The following NEGR1 variants were observed in gnomAD, a reference collection of about 807,000 sequenced individuals.
NEGR1 encodes IgLON family member 4.
A neutral mutation model predicts 40.9 loss-of-function variants in NEGR1; 10 were observed. The ratio of observed to expected loss-of-function variants is 0.24; its 90% CI spans 0.15 to 0.42. The LOEUF (loss-of-function observed/expected upper bound fraction) is 0.42, where lower values mean the gene tolerates loss of function less well. Among genes scored for constraint, NEGR1 ranks in the 10% least tolerant of loss-of-function variants. The pLI is 1.00. For missense variants in NEGR1, 352 were observed against 438.9 expected (o/e 0.80, Z 1.77); for synonymous variants, 185 against 166.8 (o/e 1.11, Z -0.84).
Position 71,811,687 on chromosome 1 carries a change from A to G in NEGR1, c.410-35390T>C, listed in dbSNP as rs570660342. ...CAACTAGAATATAAGCCTGTTTTAGAGAAGAAGTTTTCAATTTGTTTATTA... is the reference window on the plus strand; with the variant it reads ...CAACTAGAATATAAGCCTGTTTTAGGGAAGAAGTTTTCAATTTGTTTATTA... On this transcript the variant is annotated intron_variant, in intron 2 of 6. Transcript: ENST00000357731. 6.6e-5 allele frequency among the ~76,000 whole-genome samples: 10 copies of G among 151,030 alleles called. No homozygotes were observed. In the East Asian group the frequency reaches 1.9e-3, roughly 29 times the overall value.
intron 6 of NEGR1, among the ~76,000 whole-genome samples, chr1:71,576,298 C>T (rs1570053819): frequency 6.6e-6 from 1 of 152,146 alleles, no homozygotes; most frequent in East Asian, 1.9e-4. Flanking sequence ...GAATGAGAGT[C>T]CTATTGCAGT....
chr1:72,064,671 T>C lies in NEGR1; in HGVS notation c.177-129360A>G, dbSNP rs184605653. 4.6e-5 allele frequency among the ~76,000 whole-genome samples: 7 copies of C among 152,228 alleles called. No homozygotes were observed. The South Asian group carries it at 1.4e-3, about 32-fold the overall frequency. On this transcript the variant is annotated intron_variant, in intron 1 of 6. Coordinates refer to ENST00000357731, the MANE Select transcript of NEGR1 (RefSeq NM_173808.3). ...ATATGCTCTACAGAAAAGCAAAATG[T>C]ACACTGCAACCATTAATCATCTAGA...
At chr1:71,426,207 G>A (rs997420011) in intron 6 of NEGR1, among the ~76,000 whole-genome samples, 1 of 152,088 alleles carries the variant, frequency 6.6e-6, no homozygotes, top group African/African-American at 2.4e-5. Context: ...TAAAGTGGAC[G>A]TATTTCTTTT....
At chr1:71,942,963 T>TAC (rs1290614638) in intron 1 of NEGR1, among the ~76,000 whole-genome samples, 1 of 135,150 alleles carries the variant, frequency 7.4e-6, no homozygotes, top group African/African-American at 2.7e-5. Context: ...AAGTTTGTTT[T>TAC]ATATATATAT....
chr1:72,277,050 T>C (rs1047354543), intron 1 of NEGR1, among the ~76,000 whole-genome samples: 1 of 152,106 alleles, frequency 6.6e-6, no homozygotes, highest in African/African-American at 2.4e-5. Flanking sequence ...GGGAGATGAA[T>C]ACAGTGATAT....
intron 2 of NEGR1, among the ~76,000 whole-genome samples, chr1:71,800,978 T>C (rs2101748148): frequency 6.6e-6 from 1 of 152,338 alleles, no homozygotes; most frequent in South Asian, 2.1e-4. Context: ...TCTTGATTTC[T>C]TTCTAATTAC....
At chr1:71,734,923 C>G (rs1308411051) in intron 3 of NEGR1, among the ~76,000 whole-genome samples, 2 of 151,576 alleles carry the variant, frequency 1.3e-5, no homozygotes, top group African/African-American at 4.8e-5. Context: ...TTTTTCCCCT[C>G]CATTTCCATT....
intron 4 of NEGR1, among the ~76,000 whole-genome samples, chr1:71,642,108 C>G (rs1473353705): frequency 7.9e-5 from 12 of 151,918 alleles, no homozygotes. Context: ...GAATAACCAA[C>G]ATGTCTGTGG....
At chr1:71,673,962 C>T (rs1652523987) in intron 4 of NEGR1, among the ~76,000 whole-genome samples, 1 of 151,924 alleles carries the variant, frequency 6.6e-6, no homozygotes, top group South Asian at 2.1e-4. Flanking sequence ...TGAATTTTTA[C>T]AATTAAATAT....
intron 2 of NEGR1, among the ~76,000 whole-genome samples, chr1:71,921,110 C>A (rs1375872802): frequency 6.6e-6 from 1 of 152,106 alleles, no homozygotes; most frequent in Non-Finnish European, 1.5e-5. Flanking sequence ...TTTAATAAAT[C>A]TGAGATCCCA....
At chr1:72,013,756 C>A (rs1171899702) in intron 1 of NEGR1, among the ~76,000 whole-genome samples, 1 of 151,388 alleles carries the variant, frequency 6.6e-6, no homozygotes, top group East Asian at 1.9e-4. Context: ...GGTTAGCTAG[C>A]TGACTGTCAT....
At position 72,176,786 on chromosome 1, in the gene NEGR1, T is replaced by C. The variant is rs546663320; in HGVS notation, c.176+105533A>G. Reference sequence around the variant, plus strand: ...ACAAATCATGGGAAGCCTCTATGCCTCGATAAGGTATATATGCCAGGGGAG... The same window carrying C: ...ACAAATCATGGGAAGCCTCTATGCCCCGATAAGGTATATATGCCAGGGGAG... On this transcript the variant is annotated intron_variant, in intron 1 of 6. Coordinates refer to ENST00000357731, the MANE Select transcript of NEGR1 (RefSeq NM_173808.3). Among the ~76,000 whole-genome samples, 161 of 152,150 alleles carry C rather than the reference T, an allele frequency of 1.1e-3. 1 individual carries two copies. The highest frequency in any genetic ancestry group is 3.6e-3 in the African/African-American group (149 of 41,530).
chr1:71,857,457 CAAA>C lies in NEGR1; in HGVS notation c.409+77619_409+77621del, dbSNP rs34177437. The stretch of plus-strand genomic sequence containing the variant: ...TCAAATCCTATCTCTACAAAAAATA[CAAA>C]AAAAAAAAAAAAAAAAAATTAGCTG... On this transcript the variant is annotated intron_variant, in intron 2 of 6. Transcript: ENST00000357731. 8.1e-3 allele frequency among the ~76,000 whole-genome samples: 628 copies of C among 77,646 alleles called. 6 individuals are homozygous for C. The highest frequency in any genetic ancestry group is 0.031 in the African/African-American group (575 of 18,528). 50.9% of individuals were successfully genotyped at this position (77,646 alleles called of 152,430 possible).
chr1:71,429,430 T>C (rs1227140885), intron 6 of NEGR1, among the ~76,000 whole-genome samples: 2 of 152,218 alleles, frequency 1.3e-5, no homozygotes, highest in Non-Finnish European at 2.9e-5. Flanking sequence ...GTAAAATCCT[T>C]ATTGATAAAA....
At chr1:72,236,265 C>G (rs999453678) in intron 1 of NEGR1, among the ~76,000 whole-genome samples, 4 of 151,890 alleles carry the variant, frequency 2.6e-5, no homozygotes, top group African/African-American at 9.7e-5. Flanking sequence ...GGGAACATCA[C>G]ACACTGGGGA....
At chr1:71,617,836 A>G (rs1331335787) in intron 4 of NEGR1, among the ~76,000 whole-genome samples, 2 of 152,210 alleles carry the variant, frequency 1.3e-5, no homozygotes, top group Non-Finnish European at 2.9e-5. Context: ...ATGGCTTTCT[A>G]AAGGTGGATA....
chr1:71,991,790 G>T (rs992288668), intron 1 of NEGR1, among the ~76,000 whole-genome samples: 6 of 151,964 alleles, frequency 3.9e-5, no homozygotes, highest in African/African-American at 1.5e-4. Context: ...GTATTTGTTT[G>T]TTTGTTTGTT....
chr1:71,724,295 C>G (rs1480673505), intron 3 of NEGR1, among the ~76,000 whole-genome samples: 3 of 152,150 alleles, frequency 2.0e-5, no homozygotes, highest in Non-Finnish European at 2.9e-5. Flanking sequence ...TAGTTTTTAT[C>G]TTAGGAAGTT....
intron 1 of NEGR1, among the ~76,000 whole-genome samples, chr1:72,201,389 A>C (rs1396021450): frequency 6.6e-6 from 1 of 151,668 alleles, no homozygotes; most frequent in African/African-American, 2.4e-5. Flanking sequence ...TCAGTATTTT[A>C]TTTGTCTCAG....
Sources: allele counts gnomAD v4.1 joint callset (sites outside exome capture counted in the v4.1 genomes callset), GRCh38; gene constraint gnomAD v4.1.1; transcripts MANE v1.5; gene names NCBI Gene and HGNC (gene_info 2026-07-23, HGNC 2026-07-21).